The following SETD5 variants were observed in gnomAD, a reference collection of about 807,000 sequenced individuals.
SETD5 encodes the protein histone-lysine N-methyltransferase SETD5.
SETD5 carries 44 observed loss-of-function variants against 153.3 expected under a neutral mutation model. The ratio of observed to expected loss-of-function variants is 0.29; its 90% confidence interval spans 0.23 to 0.37. The LOEUF (loss-of-function observed/expected upper bound fraction) is 0.37. SETD5 is among the 10% of genes least tolerant of loss of function. The pLI, the probability that SETD5 is intolerant of heterozygous loss-of-function variation, is 1.00. For missense variants in SETD5, 1,544 were observed against 1,768.0 expected (o/e 0.87, Z 2.27); for synonymous variants, 716 against 645.2 (o/e 1.11, Z -1.66).
In SETD5 at chr3:9,440,732, G is replaced by T. The variant is rs749211346; in HGVS notation, c.810+34G>T. 1.3e-5 allele frequency: 20 copies of T among 1,594,432 alleles called. No individual in the cohort carries two copies. In the South Asian group the frequency reaches 2.1e-4, roughly 17 times the overall value. The stretch of plus-strand genomic sequence containing the variant: ...CAAAGGGTTGAGGACTCTCTAAGTA[G>T]CTGAAATTTTAAGAACCCAGGAAGA... On this transcript the variant is annotated intron_variant, in intron 8 of 22. Transcript: ENST00000402198.
At chr3:9,438,018 T>C (rs552858885) in intron 7 of SETD5, among the ~76,000 whole-genome samples, 4 of 151,170 alleles carry the variant, frequency 2.6e-5, no homozygotes, top group Non-Finnish European at 4.4e-5. Context: ...AAAAAAAAAA[T>C]TCAGTAAGGA....
chr3:9,434,893 G>C lies in SETD5; in HGVS notation c.388+11G>C. 5.6e-6 allele frequency: 9 copies of C among 1,612,150 alleles called. No individual in the cohort carries two copies. The South Asian group carries it at 9.9e-5, about 18-fold the overall frequency. On this transcript the variant is annotated intron_variant, in intron 6 of 22. Transcript: ENST00000402198. The surrounding 1 kb of genome is among the most constrained non-coding windows in gnomAD (Gnocchi z 5.6). ...AGGACAACATATCAGGTGAGCGGAA[G>C]ATGGGTTAGGTCCACAATTTGACAT... is the stretch of plus-strand genomic sequence containing the variant.
intron 11 of SETD5, among the ~76,000 whole-genome samples, 163 bp from the exon 12 acceptor site, chr3:9,444,884 AG>A (rs2041752267): frequency 6.6e-6 from 1 of 152,204 alleles, no homozygotes; most frequent in South Asian, 2.1e-4. Flanking sequence ...TCCAATAAAA[AG>A]AAAAACAAAA....
At chr3:9,416,592 C>G (rs977440280) in intron 1 of SETD5, among the ~76,000 whole-genome samples, 4 of 152,126 alleles carry the variant, frequency 2.6e-5, no homozygotes, top group Non-Finnish European at 4.4e-5. Flanking sequence ...CTAAGCATTA[C>G]TCAGCAAATC....
intron 13 of SETD5, 68 bp downstream of exon 13, chr3:9,445,808 G>C: frequency 1.8e-6 from 2 of 1,142,172 alleles, no homozygotes; most frequent in African/African-American, 1.6e-5. Context: ...AACCTCTTCT[G>C]TTCTCTTGAC....
chr3:9,458,704 G>A (rs568962055), intron 17 of SETD5, among the ~76,000 whole-genome samples: 1 of 152,292 alleles, frequency 6.6e-6, no homozygotes, highest in Non-Finnish European at 1.5e-5. Context: ...TTGGGGAAAG[G>A]ATTTGCAGTA....
At chr3:9,411,130 C>T (rs2036512292) in intron 1 of SETD5, among the ~76,000 whole-genome samples, 1 of 152,018 alleles carries the variant, frequency 6.6e-6, no homozygotes, top group South Asian at 2.1e-4. Flanking sequence ...TTCAGGTGAG[C>T]CACCGCACCT....
intron 1 of SETD5, among the ~76,000 whole-genome samples, chr3:9,403,350 G>A (rs945531305): frequency 2.0e-4 from 30 of 152,122 alleles, no homozygotes; most frequent in South Asian, 6.2e-4. Context: ...GAGGAGACCC[G>A]TTCTAGAGCT....
At chr3:9,444,013 G>GATC (rs2041631760) in intron 11 of SETD5, among the ~76,000 whole-genome samples, 1 of 152,180 alleles carries the variant, frequency 6.6e-6, no homozygotes, top group Non-Finnish European at 1.5e-5. Flanking sequence ...AGTAAGCCAA[G>GATC]ATCACGCCAC....
rs935364018 is a variant in SETD5 at position 9,475,065 on chromosome 3, C to G, written c.3632-3C>G. The G allele has an allele frequency of 6.3e-7, 1 of 1,576,284 alleles. No individual in the cohort carries two copies. The highest frequency in any genetic ancestry group is 8.6e-7 in the Non-Finnish European group (1 of 1,161,078). On this transcript the variant is annotated splice_region_variant and splice_polypyrimidine_tract_variant and intron_variant, in intron 21 of 22. Coordinates refer to ENST00000402198, the MANE Select transcript of SETD5 (RefSeq NM_001080517.3). ...ATTTTTTTTTATATATGTTACCTTC[C>G]AGACCCTGCAGATGGAGAAGGCCCA...
chr3:9,433,054 C>G (rs1194009910), intron 3 of SETD5, among the ~76,000 whole-genome samples: 1 of 152,124 alleles, frequency 6.6e-6, no homozygotes, highest in African/African-American at 2.4e-5. Flanking sequence ...GAGTATATAC[C>G]ATGTTTAGTG....
rs1027018481 is a variant in SETD5 at position 9,431,523 on chromosome 3, TCTAA to T, written c.72-2319_72-2316del. The T allele has an allele frequency of 4.0e-5, 39 of 979,454 alleles. 1 individual carries two copies. The highest frequency in any genetic ancestry group is 2.4e-4 in the South Asian group (5 of 21,198). 60.7% of individuals were successfully genotyped at this position (979,454 alleles called of 1,614,324 possible). On this transcript the variant is annotated intron_variant, in intron 3 of 22. Transcript: ENST00000402198. ...GAAATCTTGTAGTTACCTGTAAGTG[TCTAA>T]CTGTGTATTCAATCAGTAACCAATA...
chr3:9,447,952 A>C lies in SETD5; in HGVS notation c.2049A>C (p.Ser683=), dbSNP rs758265227. ...PLTGSDPTVV[S]ITGSHVNRAA... ...CAGGGTCTGACCCAACTGTGGTGTC[A>C]ATTACTGGATCCCATGTCAACCGTG... Residue 683 remains serine, a synonymous_variant, in exon 15 of 23, where the codon TCA becomes TCC. Transcript: ENST00000402198. The C allele has an allele frequency of 6.2e-7, 1 of 1,613,854 alleles. No individual in the cohort carries two copies. The highest frequency in any genetic ancestry group is 1.7e-5 in the Admixed American group (1 of 59,992).
In SETD5 at chr3:9,473,405, C is replaced by T. The variant is rs775982968; in HGVS notation, c.3365C>T (p.Thr1122Ile). The T allele has an allele frequency of 1.2e-6, 2 of 1,614,016 alleles. No individual in the cohort carries two copies. The highest frequency in any genetic ancestry group is 1.6e-4 in the Middle Eastern group (1 of 6,062). Reference sequence around the variant, plus strand: ...GGTGTGCAGGGATCCTCAGCCCGAACTCCATCTTCCCCTCACAAAAAATTC... The same window carrying T: ...GGTGTGCAGGGATCCTCAGCCCGAATTCCATCTTCCCCTCACAAAAAATTC... Reference protein sequence around the residue: ...AHGVQGSSARTPSSPHKKFSP... With the variant: ...AHGVQGSSARIPSSPHKKFSP... The change falls in exon 20 of 23, where the codon ACT (threonine) becomes ATT (isoleucine). Residue 1122 changes from threonine to isoleucine, a missense_variant. By Grantham distance (89) the Thr-to-Ile change is moderately conservative. Around this residue, in one of 9 missense-constraint regions of SETD5, gnomAD observed 93 missense variants for 93.4 expected, o/e 1.00. Coordinates refer to ENST00000402198, the MANE Select transcript of SETD5 (RefSeq NM_001080517.3).
chr3:9,453,687 C>T (rs2042889290), intron 16 of SETD5, 52 bp from the exon 17 acceptor site: 1 of 1,511,640 alleles, frequency 6.6e-7, no homozygotes, highest in Non-Finnish European at 8.9e-7. Flanking sequence ...AACAGGTGCA[C>T]TAAATAGTTT....
At chr3:9,445,991 TAACAA>T in intron 13 of SETD5, among the ~76,000 whole-genome samples, 1 of 138,846 alleles carries the variant, frequency 7.2e-6, no homozygotes, top group African/African-American at 2.6e-5. Flanking sequence ...TTTTTTTTAC[TAACAA>T]TCTGGTTTCC....
chr3:9,436,414 C>A (rs983790550), intron 7 of SETD5, among the ~76,000 whole-genome samples: 2 of 152,190 alleles, frequency 1.3e-5, no homozygotes, highest in Non-Finnish European at 1.5e-5. Context: ...GGAGAAACTT[C>A]TTCTGGTTTG....
intron 9 of SETD5, 24 bp from the exon 10 acceptor site, chr3:9,442,104 C>A: frequency 1.3e-6 from 2 of 1,498,614 alleles, no homozygotes; most frequent in South Asian, 2.3e-5. Context: ...TTGAGAATTA[C>A]AGGAATTTTA....
At chr3:9,400,399 T>A (rs2034567327) in intron 1 of SETD5, among the ~76,000 whole-genome samples, 1 of 152,214 alleles carries the variant, frequency 6.6e-6, no homozygotes, top group Non-Finnish European at 1.5e-5. Flanking sequence ...AACAGGAATT[T>A]TTTCCTGCAG....
Sources: gnomAD v4.1 joint callset for allele counts (sites outside exome capture counted in the v4.1 genomes callset) on GRCh38, gnomAD v4.1.1 for gene constraint, gnomAD v4.1.1 regional missense constraint, Gnocchi (gnomAD v3.1) non-coding constraint, MANE v1.5 for transcripts, NCBI Gene and HGNC (gene_info 2026-07-23, HGNC 2026-07-21) for gene names.